CFAP221: variants seen among roughly 807,000 people sequenced by gnomAD.
CFAP221 encodes cilia- and flagella-associated protein 221.
In CFAP221, 97 loss-of-function variants were observed where a neutral mutation model predicts 113.1. That is an observed-to-expected ratio of 0.86 (90% confidence interval 0.73 to 1.02). The LOEUF is 1.02. Among genes scored for constraint, CFAP221 ranks in the 50% least tolerant of loss-of-function variants. The pLI, the probability that CFAP221 is intolerant of heterozygous loss-of-function variation, is 0.00. For missense variants in CFAP221, 1,025 were observed against 1,013.4 expected, an observed-to-expected ratio of 1.01 and a Z score of -0.16; for synonymous variants, 331 against 354.4, an observed-to-expected ratio of 0.93 and a Z score of 0.74.
intron 6 of CFAP221, chr2:119,573,231 TA>T (rs1235699978): frequency 6.6e-6 from 1 of 152,226 alleles, no homozygotes; most frequent in Admixed American, 6.5e-5. Context: ...GTAACTGGGT[TA>T]AAATGCAGAT....
chr2:119,567,542 T>A (rs1681738709), intron 6 of CFAP221, among the ~76,000 whole-genome samples: 2 of 152,230 alleles, frequency 1.3e-5, no homozygotes, highest in Admixed American at 1.3e-4. Context: ...CTTGGCAGCT[T>A]CTAAGTTTTG....
chr2:119,610,292 G>A (rs1685061650), intron 12 of CFAP221, among the ~76,000 whole-genome samples: 1 of 152,106 alleles, frequency 6.6e-6, no homozygotes, highest in Non-Finnish European at 1.5e-5. Context: ...TGTGTCCAGG[G>A]GATTTTATCT....
At chr2:119,642,532 C>A (rs1391335812) in intron 21 of CFAP221, among the ~76,000 whole-genome samples, 28 of 99,714 alleles carry the variant, frequency 2.8e-4, no homozygotes, top group Non-Finnish European at 4.7e-4. Context: ...AGCTCTCAGG[C>A]CTTTTTTTTT....
intron 16 of CFAP221, among the ~76,000 whole-genome samples, chr2:119,628,889 A>C (rs963416185): frequency 1.3e-5 from 2 of 152,208 alleles, no homozygotes; most frequent in African/African-American, 4.8e-5. Context: ...TGGGGTGGAA[A>C]GAGATCCTCA....
intron 14 of CFAP221, among the ~76,000 whole-genome samples, chr2:119,619,192 T>A (rs1685723757): frequency 6.6e-6 from 1 of 152,182 alleles, no homozygotes; most frequent in Non-Finnish European, 1.5e-5. Flanking sequence ...GCCTGCTGGC[T>A]CTGAAGAGAG....
At chr2:119,655,525 C>T (rs1210818421) in intron 23 of CFAP221, among the ~76,000 whole-genome samples, 1 of 152,200 alleles carries the variant, frequency 6.6e-6, no homozygotes, top group African/African-American at 2.4e-5. Context: ...TCAAAAATGT[C>T]TCAGAAGCAC....
chr2:119,635,036 C>T (rs1323230346), intron 19 of CFAP221, among the ~76,000 whole-genome samples: 4 of 151,956 alleles, frequency 2.6e-5, no homozygotes, highest in Non-Finnish European at 5.9e-5. Flanking sequence ...GCAAACAATC[C>T]AATTTTAAAA....
chr2:119,575,911 A>C (rs1682410872), intron 6 of CFAP221, among the ~76,000 whole-genome samples: 1 of 152,082 alleles, frequency 6.6e-6, no homozygotes, highest in Non-Finnish European at 1.5e-5. Flanking sequence ...TCCTTTACCA[A>C]GTATGAAGAG....
chr2:119,629,413 A>G (rs146996166), intron 16 of CFAP221, among the ~76,000 whole-genome samples: 439 of 152,344 alleles, frequency 2.9e-3, no homozygotes, highest in African/African-American at 9.4e-3. Flanking sequence ...AGGCTGGCAC[A>G]GGGTGAGAGG....
At chr2:119,568,207 T>C (rs1681785238) in intron 6 of CFAP221, among the ~76,000 whole-genome samples, 1 of 152,238 alleles carries the variant, frequency 6.6e-6, no homozygotes, top group African/African-American at 2.4e-5. Context: ...GAACACATAA[T>C]TGAAGTCATT....
intron 21 of CFAP221, among the ~76,000 whole-genome samples, chr2:119,644,161 A>T (rs1192182619): frequency 6.6e-6 from 1 of 152,186 alleles, no homozygotes; most frequent in Admixed American, 6.5e-5. Flanking sequence ...TCAAAAGAAA[A>T]TAAACAAAAA....
chr2:119,602,415 C>G (rs1365622309), intron 8 of CFAP221, among the ~76,000 whole-genome samples: 1 of 152,064 alleles, frequency 6.6e-6, no homozygotes, highest in African/African-American at 2.4e-5. Context: ...AGTATAAATA[C>G]CAATCTTAGA....
rs139782182 is a variant in CFAP221, at chr2:119,593,562, G to A, written c.631+6340G>A. Among the ~76,000 whole-genome samples the A allele has an allele frequency of 2.5e-3, 381 of 152,240 alleles. 4 individuals are homozygous for A. The highest frequency in any genetic ancestry group is 3.6e-3 in the African/African-American group (148 of 41,524). Reference sequence around the variant, plus strand: ...TCTTTAAACACCAGCTCTCTTGGCCGGGCATGGTGGCTTACGCCTGTAATC... The same window carrying A: ...TCTTTAAACACCAGCTCTCTTGGCCAGGCATGGTGGCTTACGCCTGTAATC... On this transcript the variant is annotated intron_variant, in intron 7 of 23. Coordinates refer to ENST00000413369, the MANE Select transcript of CFAP221 (RefSeq NM_001271049.2).
At chr2:119,621,705 A>C (rs1040804594) in intron 14 of CFAP221, among the ~76,000 whole-genome samples, 2 of 152,232 alleles carry the variant, frequency 1.3e-5, no homozygotes, top group African/African-American at 4.8e-5. Context: ...ACGACAGTGC[A>C]ATCAAATTAG....
Position 119,646,990 on chromosome 2 carries a change from T to G in CFAP221, c.2258T>G (p.Ile753Arg). Residue 753 changes from isoleucine to arginine, a missense_variant, in exon 22 of 24, where the codon ATA (isoleucine) becomes AGA (arginine). Physicochemically the swap from Ile to Arg is moderately conservative, Grantham distance 97. Coordinates refer to ENST00000413369, the MANE Select transcript of CFAP221 (RefSeq NM_001271049.2). Reference sequence around the variant, plus strand: ...TCCTTCAATTCATTTATGCTTCCGATAGACGTCCCTGCCATCCTTGATGCC... The same window carrying G: ...TCCTTCAATTCATTTATGCTTCCGAGAGACGTCCCTGCCATCCTTGATGCC... ...CDSFNSFMLP[I>R]DVPAILDALP... The G allele has an allele frequency of 6.2e-7, 1 of 1,614,014 alleles. No individual in the cohort carries two copies. Among genetic ancestry groups the G allele is most frequent in the Non-Finnish European group, 8.5e-7 (1 of 1,179,932 alleles).
At chr2:119,620,405 C>A (rs1301637229) in intron 14 of CFAP221, among the ~76,000 whole-genome samples, 1 of 152,170 alleles carries the variant, frequency 6.6e-6, no homozygotes, top group African/African-American at 2.4e-5. Context: ...TGCAGAAACC[C>A]TACAAGACCG....
Position 119,626,999 on chromosome 2 carries a change from C to CCATA in CFAP221, c.1517-654_1517-653insCATA, listed in dbSNP as rs1302487873. Among the ~76,000 whole-genome samples, 28 of 151,910 alleles carry CCATA rather than the reference C, an allele frequency of 1.8e-4. 1 individual carries two copies. Among genetic ancestry groups the CCATA allele is most frequent in the Non-Finnish European group, 1.5e-5 (1 of 67,984 alleles). The stretch of plus-strand genomic sequence containing the variant: ...CTTGGCTGGGACTGTTGGAGGCCCA[C>CCATA]TCTCGGTAGCTTCTGGGAGCCCAAA... On this transcript the variant is annotated intron_variant, in intron 15 of 23. Coordinates refer to ENST00000413369, the MANE Select transcript of CFAP221 (RefSeq NM_001271049.2).
Position 119,604,900 on chromosome 2 carries a change from T to C in CFAP221, c.937T>C (p.Phe313Leu). 6.2e-7 allele frequency: 1 copy of C among 1,614,148 alleles called. No homozygotes were observed. The highest frequency in any genetic ancestry group is 1.3e-5 in the African/African-American group (1 of 75,038). The change falls in exon 10 of 24, where the codon TTT becomes CTT. Residue 313 changes from phenylalanine to leucine, a missense_variant. Phe to Leu is a conservative substitution (Grantham distance 22). Transcript: ENST00000413369. ...VKEIEYQNLR[F>L]PVDLSNPFAV... is the part of the protein sequence containing the mutation. ...GGAAATTGAGTACCAGAACCTCAGA[T>C]TTCCAGTAGATTTATCGAATCCATT...
chr2:119,574,804 C>A (rs2104580012), intron 6 of CFAP221, among the ~76,000 whole-genome samples: 1 of 152,256 alleles, frequency 6.6e-6, no homozygotes, highest in South Asian at 2.1e-4. Context: ...AACTACCAAC[C>A]CATTCACTGA....
Sources: allele counts gnomAD v4.1 joint callset (sites outside exome capture counted in the v4.1 genomes callset), GRCh38; gene constraint gnomAD v4.1.1; transcripts MANE v1.5; gene names NCBI Gene and HGNC (gene_info 2026-07-23, HGNC 2026-07-21).